The following SGPP2 variants were observed in gnomAD, a reference collection of about 807,000 sequenced individuals.
SGPP2 encodes sphingosine-1-phosphate phosphatase 2.
Under a neutral mutation model 33.9 loss-of-function variants are expected in SGPP2, and 30 were observed. That is an observed-to-expected ratio of 0.89 (90% CI 0.66 to 1.20). The LOEUF is 1.20. SGPP2 is among the 50% of genes most tolerant of loss of function. The probability of loss-of-function intolerance (pLI) is 0.00; values close to 1 mark genes in which losing one functional copy is unlikely to be tolerated. For synonymous variants in SGPP2, 233 were observed against 225.0 expected (o/e 1.04, Z -0.32); for missense variants, 458 against 532.1 (o/e 0.86, Z 1.37).
At chr2:222,487,312 G>A (rs1238674955) in intron 2 of SGPP2, among the ~76,000 whole-genome samples, 1 of 152,150 alleles carries the variant, frequency 6.6e-6, no homozygotes. Context: ...ACATAGCCAG[G>A]TTGGGATGCG....
chr2:222,460,646 C>T lies in SGPP2; in HGVS notation c.220-13922C>T, dbSNP rs1697644370. On this transcript the variant is annotated intron_variant, in intron 1 of 4. Coordinates refer to ENST00000321276, the MANE Select transcript of SGPP2 (RefSeq NM_152386.4). This position sits in a 1 kb window ranked among gnomAD's most constrained non-coding sequence, Gnocchi z 4.3. ...AGCCTCCTTATTACGACCTCCAGGG[C>T]TCTCCTCTCTGGCTTTGGCCTCCAC... Among the ~76,000 whole-genome samples the T allele has an allele frequency of 6.6e-6, 1 of 152,122 alleles. No individual in the cohort carries two copies. Among genetic ancestry groups the T allele is most frequent in the Non-Finnish European group, 1.5e-5 (1 of 68,018 alleles).
rs143275542 is a variant in SGPP2 at position 222,460,151 on chromosome 2, CAGA to C, written c.220-14411_220-14409del. Among the ~76,000 whole-genome samples the C allele has an allele frequency of 0.01, 1,543 of 152,324 alleles. 18 individuals carry two copies. The highest frequency in any genetic ancestry group is 0.035 in the African/African-American group (1,445 of 41,552). On this transcript the variant is annotated intron_variant, in intron 1 of 4. Transcript: ENST00000321276. This position sits in a 1 kb window ranked among gnomAD's most constrained non-coding sequence, Gnocchi z 4.3. ...GCCTGTGGCATTCAGTTGCCATCCA[CAGA>C]AGAAGGACTCACTTTCTCTGGGTTT... is the stretch of plus-strand genomic sequence containing the variant.
At chr2:222,488,775 CAT>C (rs1401637477) in intron 2 of SGPP2, among the ~76,000 whole-genome samples, 1 of 152,128 alleles carries the variant, frequency 6.6e-6, no homozygotes, top group Non-Finnish European at 1.5e-5. Flanking sequence ...TGTGTACAAA[CAT>C]AGACACACAT....
chr2:222,524,510 G>A (rs1698728467), intron 3 of SGPP2, among the ~76,000 whole-genome samples: 1 of 152,240 alleles, frequency 6.6e-6, no homozygotes, highest in Non-Finnish European at 1.5e-5. Context: ...CTTCTACGGA[G>A]GAGGAGAAGT....
chr2:222,493,384 A>G (rs1173766266), intron 2 of SGPP2, among the ~76,000 whole-genome samples: 1 of 152,200 alleles, frequency 6.6e-6, no homozygotes, highest in African/African-American at 2.4e-5. Flanking sequence ...GAACTCACTC[A>G]CTATCACGAG....
At chr2:222,478,611 C>T (rs1697986008) in intron 2 of SGPP2, among the ~76,000 whole-genome samples, 1 of 152,180 alleles carries the variant, frequency 6.6e-6, no homozygotes, top group Non-Finnish European at 1.5e-5. Flanking sequence ...TGTAACTGAA[C>T]ATCTTATCTC....
rs1689517451 is a variant in SGPP2 at position 222,560,499 on chromosome 2, G to GCAA, written c.*1602_*1604dup. 6.6e-6 allele frequency: 1 copy of GCAA among 152,182 alleles called. No homozygotes were observed. The highest frequency in any genetic ancestry group is 2.1e-4 in the South Asian group (1 of 4,824). 9.4% of individuals were successfully genotyped at this position (152,182 alleles called of 1,614,324 possible). A position where few individuals can be genotyped will look rare whatever the true frequency, so the allele number is the denominator to read the frequency against. On this transcript the variant is annotated 3_prime_UTR_variant, in exon 5 of 5. Coordinates refer to ENST00000321276, the MANE Select transcript of SGPP2 (RefSeq NM_152386.4). Reference sequence around the variant, plus strand: ...CTTAACATGGGAAGGCGATGATTATGCAAACACCGGAGTTCCCTCCTCTTC... The same window carrying GCAA: ...CTTAACATGGGAAGGCGATGATTATGCAACAAACACCGGAGTTCCCTCCTCTTC...
At chr2:222,430,399 A>G (rs1341929691) in intron 1 of SGPP2, among the ~76,000 whole-genome samples, 1 of 152,216 alleles carries the variant, frequency 6.6e-6, no homozygotes, top group Admixed American at 6.5e-5. Context: ...GGTACATGTT[A>G]TGTATATTTT....
At chr2:222,530,977 T>G (rs1269236359) in intron 4 of SGPP2, among the ~76,000 whole-genome samples, 2 of 152,098 alleles carry the variant, frequency 1.3e-5, no homozygotes, top group Non-Finnish European at 2.9e-5. Context: ...GAGGCTGTAG[T>G]GAGGTATGCT....
chr2:222,463,739 G>T (rs998250379), intron 1 of SGPP2, among the ~76,000 whole-genome samples: 2 of 152,136 alleles, frequency 1.3e-5, no homozygotes, highest in Non-Finnish European at 2.9e-5. Flanking sequence ...TGACAAATTT[G>T]TCAGACTTCA....
At chr2:222,530,728 A>T (rs565030116) in intron 4 of SGPP2, among the ~76,000 whole-genome samples, 1 of 152,192 alleles carries the variant, frequency 6.6e-6, no homozygotes, top group Non-Finnish European at 1.5e-5. Context: ...TCATGTATTC[A>T]TTGGAGTAGC....
rs1004573525 is a variant in SGPP2, at chr2:222,561,773, C to T, written c.*2875C>T. 7.3e-5 allele frequency among the ~76,000 whole-genome samples: 11 copies of T among 151,666 alleles called. No individual in the cohort carries two copies. Among genetic ancestry groups the T allele is most frequent in the East Asian group, 3.9e-4 (2 of 5,174 alleles). On this transcript the variant is annotated 3_prime_UTR_variant, in exon 5 of 5. Transcript: ENST00000321276. ...GAGAATGAAAAGTGTATATTGGTGA[C>T]GCCAACCTCAGTTTCTGAGCACTCC... is the stretch of plus-strand genomic sequence containing the variant.
chr2:222,427,088 G>C (rs529724750), intron 1 of SGPP2, among the ~76,000 whole-genome samples: 4 of 152,212 alleles, frequency 2.6e-5, no homozygotes, highest in African/African-American at 9.6e-5. Context: ...TTGTTTAAAT[G>C]TGCCTTTGTG....
intron 2 of SGPP2, among the ~76,000 whole-genome samples, chr2:222,483,493 T>G (rs1343393153): frequency 6.6e-6 from 1 of 152,162 alleles, no homozygotes; most frequent in Non-Finnish European, 1.5e-5. Flanking sequence ...TAGCTGATAC[T>G]TACAGTAAAA....
At chr2:222,532,940 G>T (rs569161033) in intron 4 of SGPP2, among the ~76,000 whole-genome samples, 1 of 152,138 alleles carries the variant, frequency 6.6e-6, no homozygotes, top group African/African-American at 2.4e-5. Flanking sequence ...CGTACCTCTG[G>T]GCTCACCATT....
rs549121742 is a variant in SGPP2, at chr2:222,531,686, A to T, written c.648+6653A>T. Among the ~76,000 whole-genome samples, 4 of 152,262 alleles carry T rather than the reference A, an allele frequency of 2.6e-5. No homozygotes were observed. In the South Asian group the frequency reaches 6.2e-4, roughly 24 times the overall value. On this transcript the variant is annotated intron_variant, in intron 4 of 4. Transcript: ENST00000321276. The stretch of plus-strand genomic sequence containing the variant: ...TAGTTAAGGTGGTGAATTTTATGTT[A>T]TGTGTGTGTGTATACATATTAATAG...
At chr2:222,479,755 C>T (rs544944421) in intron 2 of SGPP2, among the ~76,000 whole-genome samples, 84 of 152,158 alleles carry the variant, frequency 5.5e-4, no homozygotes, top group Non-Finnish European at 7.9e-4. Flanking sequence ...TATTGGAACG[C>T]GAAGCTTGTG....
Position 222,558,970 on chromosome 2 carries a change from C to T in SGPP2, c.*72C>T, listed in dbSNP as rs963995055. ...ATAGGAAAGTTATTGGTAGGCAAAT[C>T]TTGACAACTTATTTTTCTTTAACAA... On this transcript the variant is annotated 3_prime_UTR_variant, in exon 5 of 5. Transcript: ENST00000321276. 3.4e-6 allele frequency: 5 copies of T among 1,454,172 alleles called. No individual in the cohort carries two copies. In the African/African-American group the frequency reaches 7.1e-5, roughly 21 times the overall value. The allele number at this position is 1,454,172 out of a possible 1,614,324, so 90.1% of individuals were successfully genotyped here.
At chr2:222,449,206 A>G (rs369428406) in intron 1 of SGPP2, among the ~76,000 whole-genome samples, 1 of 152,134 alleles carries the variant, frequency 6.6e-6, no homozygotes, top group African/African-American at 2.4e-5. Flanking sequence ...ACCTTCTCTA[A>G]GACATTGAGG....
Sources: gnomAD v4.1 joint callset for allele counts (sites outside exome capture counted in the v4.1 genomes callset) on GRCh38, gnomAD v4.1.1 for gene constraint, Gnocchi (gnomAD v3.1) non-coding constraint, MANE v1.5 for transcripts, NCBI Gene and HGNC (gene_info 2026-07-23, HGNC 2026-07-21) for gene names.